BCL2L13: variants seen among roughly 807,000 people sequenced by gnomAD.
BCL2L13 encodes the protein BCL2 like 13.
BCL2L13 carries 13 observed loss-of-function variants against 25.8 expected under a neutral mutation model. The ratio of observed to expected loss-of-function variants is 0.50; its 90% CI spans 0.33 to 0.80. The LOEUF (loss-of-function observed/expected upper bound fraction) is 0.80. Ranked by LOEUF, BCL2L13 falls within the 30% of genes least tolerant of loss-of-function variation. BCL2L13 has a pLI of 0.02. For synonymous variants in BCL2L13, 244 were observed against 230.3 expected, an observed-to-expected ratio of 1.06 and a Z score of -0.54; for missense variants, 504 against 574.9, an observed-to-expected ratio of 0.88 and a Z score of 1.26.
intron 4 of BCL2L13, among the ~76,000 whole-genome samples, chr22:17,693,228 CAT>C (rs2060155210): frequency 6.6e-6 from 1 of 151,268 alleles, no homozygotes; most frequent in African/African-American, 2.4e-5. Flanking sequence ...TAAAACCTAA[CAT>C]AATAAGCTAC....
At chr22:17,637,682 CTA>C (rs1481739607), upstream of BCL2L13, among the ~76,000 whole-genome samples, 2 of 152,138 alleles carry the variant, frequency 1.3e-5, no homozygotes, top group Admixed American at 1.3e-4. Context: ...CCGGCCTGTA[CTA>C]TTAGTTTTCC....
At chr22:17,674,449 A>G (rs973469647) in intron 2 of BCL2L13, among the ~76,000 whole-genome samples, 1 of 151,968 alleles carries the variant, frequency 6.6e-6, no homozygotes, top group Non-Finnish European at 1.5e-5. Flanking sequence ...TACTAAAAAT[A>G]TAGGAAATTA....
At chr22:17,636,709 TCGCTTGAAC>T (rs1465121190), upstream of BCL2L13, among the ~76,000 whole-genome samples, 1 of 151,918 alleles carries the variant, frequency 6.6e-6, no homozygotes, top group Non-Finnish European at 1.5e-5. Flanking sequence ...AGCAGGAGAA[TCGCTTGAAC>T]CCAGGAGGTG....
At chr22:17,653,634 A>G (rs1259670730) in intron 1 of BCL2L13, among the ~76,000 whole-genome samples, 2 of 151,050 alleles carry the variant, frequency 1.3e-5, no homozygotes, top group Non-Finnish European at 2.9e-5. Flanking sequence ...CCTCCCAAGT[A>G]ACTAGGACTA....
intron 3 of BCL2L13, among the ~76,000 whole-genome samples, chr22:17,685,176 T>C (rs2059888122): frequency 6.6e-6 from 1 of 150,876 alleles, no homozygotes; most frequent in Non-Finnish European, 1.5e-5. Context: ...GCCTGGCCAC[T>C]ATGTGGTCTT....
chr22:17,656,335 C>CTTTTTTTTTTTTTTTTT (rs890631679), intron 2 of BCL2L13, among the ~76,000 whole-genome samples: 3 of 57,880 alleles, frequency 5.2e-5, no homozygotes, highest in African/African-American at 8.5e-5. Context: ...TCATTTTATT[C>CTTTTTTTTTTTTTTTTT]TTTTTTTTTT....
chr22:17,673,374 T>C (rs2059475965), intron 2 of BCL2L13, among the ~76,000 whole-genome samples: 1 of 149,390 alleles, frequency 6.7e-6, no homozygotes, highest in Admixed American at 6.7e-5. Context: ...TTTTTTTTTT[T>C]TTTTTGAGAC....
intron 3 of BCL2L13, among the ~76,000 whole-genome samples, chr22:17,685,821 G>GAGTGC (rs1018780761): frequency 2.5e-5 from 3 of 119,956 alleles, no homozygotes; most frequent in African/African-American, 9.3e-5. Context: ...GCCCAGGCTG[G>GAGTGC]AGTGCAGTGG....
intron 6 of BCL2L13, 58 bp from the exon 7 acceptor site, chr22:17,726,619 T>C: frequency 1.3e-6 from 2 of 1,542,208 alleles, no homozygotes; most frequent in Non-Finnish European, 1.8e-6. Flanking sequence ...TCCAGATTGA[T>C]GTTTATGTTT....
chr22:17,630,690 A>G (rs1418665678), intron 1 of BCL2L13, among the ~76,000 whole-genome samples: 3 of 148,920 alleles, frequency 2.0e-5, no homozygotes, highest in Non-Finnish European at 3.0e-5. Flanking sequence ...TCCCGGGTTC[A>G]ATTGATTCTC....
intron 3 of BCL2L13, among the ~76,000 whole-genome samples, chr22:17,685,760 CTTTTTTTTTTTTTT>C (rs1166792513): frequency 9.1e-4 from 55 of 60,522 alleles, no homozygotes; most frequent in South Asian, 2.2e-3. Flanking sequence ...TTTTCTTTTT[CTTTTTTTTTTTTTT>C]TTTTTTTTTT....
intron 6 of BCL2L13, among the ~76,000 whole-genome samples, chr22:17,708,229 A>G (rs2060645824): frequency 6.6e-6 from 1 of 152,186 alleles, no homozygotes; most frequent in South Asian, 2.1e-4. Context: ...CACCAAGTAT[A>G]ACATGTTCTA....
At chr22:17,672,799 G>A (rs1422900455) in intron 2 of BCL2L13, among the ~76,000 whole-genome samples, 2 of 152,132 alleles carry the variant, frequency 1.3e-5, no homozygotes, top group East Asian at 3.8e-4. Flanking sequence ...AATCTGGTGG[G>A]GTGAGGCATA....
intron 2 of BCL2L13, among the ~76,000 whole-genome samples, chr22:17,678,002 T>G (rs1409837983): frequency 6.6e-6 from 1 of 152,054 alleles, no homozygotes; most frequent in African/African-American, 2.4e-5. Context: ...GCCATGATAG[T>G]GCCACTGCAC....
chr22:17,724,831 T>C lies in BCL2L13; in HGVS notation c.601-1846T>C, dbSNP rs186289965. On this transcript the variant is annotated intron_variant, in intron 6 of 6. Coordinates refer to ENST00000317582, the MANE Select transcript of BCL2L13 (RefSeq NM_015367.4). ...TACATCTCTGTGACATTCCATTCCA[T>C]TGGTTCTCTTCCTGTCCTTTTATTG... Among the ~76,000 whole-genome samples, 441 of 152,360 alleles carry C rather than the reference T, an allele frequency of 2.9e-3. 2 individuals carry two copies. Among genetic ancestry groups the C allele is most frequent in the Non-Finnish European group, 4.9e-3 (336 of 68,034 alleles).
intron 3 of BCL2L13, among the ~76,000 whole-genome samples, chr22:17,685,915 T>C (rs572736178): frequency 2.6e-5 from 4 of 151,074 alleles, no homozygotes; most frequent in South Asian, 2.1e-4. Context: ...GGAGCTACAG[T>C]GCCCACCACC....
At chr22:17,687,921 G>A (rs1245760757) in intron 3 of BCL2L13, among the ~76,000 whole-genome samples, 1 of 148,444 alleles carries the variant, frequency 6.7e-6, no homozygotes, top group South Asian at 2.2e-4. Context: ...AGGTTCAAGC[G>A]ATTCTCCTGC....
intron 2 of BCL2L13, among the ~76,000 whole-genome samples, chr22:17,679,264 C>CTTTTTTT (rs3044588): frequency 5.3e-5 from 4 of 76,134 alleles, no homozygotes; most frequent in South Asian, 5.1e-4. Flanking sequence ...TGGTTTGGCT[C>CTTTTTTT]TTTTTTTTTT....
At position 17,639,069 on chromosome 22, in the gene BCL2L13, C is replaced by T. The variant is rs532830788; in HGVS notation, c.-51+183C>T. On this transcript the variant is annotated intron_variant, in intron 1 of 6. Coordinates refer to ENST00000317582, the MANE Select transcript of BCL2L13 (RefSeq NM_015367.4). ...CCGAAGGTGCTCGGAGCTTAGGGGT[C>T]CGCTTCACCGTGACCGGACCTGGCC... 1.7e-3 allele frequency among the ~76,000 whole-genome samples: 265 copies of T among 152,320 alleles called. 1 individual carries two copies. The highest frequency in any genetic ancestry group is 6.0e-3 in the African/African-American group (249 of 41,570).
Sources: gnomAD v4.1 joint callset for allele counts (sites outside exome capture counted in the v4.1 genomes callset) on GRCh38, gnomAD v4.1.1 for gene constraint, MANE v1.5 for transcripts, NCBI Gene and HGNC (gene_info 2026-07-23, HGNC 2026-07-21) for gene names.